The following ZEB2 variants were observed in gnomAD, a reference collection of about 807,000 sequenced individuals.
The protein encoded by ZEB2 is zinc finger E-box-binding homeobox 2.
In ZEB2, 6 loss-of-function variants were observed where a neutral mutation model predicts 99.9. The ratio of observed to expected loss-of-function variants is 0.06; its 90% CI spans 0.03 to 0.12. ZEB2 has a LOEUF of 0.12. Among genes scored for constraint, ZEB2 ranks in the 10% least tolerant of loss-of-function variants. The probability of loss-of-function intolerance (pLI) is 1.00; values close to 1 mark genes in which losing one functional copy is unlikely to be tolerated. For synonymous variants in ZEB2, 517 were observed against 542.5 expected (o/e 0.95, Z 0.65); for missense variants, 969 against 1,502.8 (o/e 0.64, Z 5.87).
At chr2:144,478,715 ATTCT>A (rs1419793957) in intron 2 of ZEB2, among the ~76,000 whole-genome samples, 3 of 152,252 alleles carry the variant, frequency 2.0e-5, no homozygotes, top group Non-Finnish European at 2.9e-5. Context: ...AATTCAAATT[ATTCT>A]TTCTTTGAAA....
intron 2 of ZEB2, chr2:144,511,606 A>G: frequency 7.8e-7 from 1 of 1,284,612 alleles, no homozygotes; most frequent in Non-Finnish European, 1.0e-6. Flanking sequence ...CCCTCCCCAC[A>G]GCCCAAATAG....
At chr2:144,456,867 C>A (rs1704127876) in intron 2 of ZEB2, among the ~76,000 whole-genome samples, 1 of 152,012 alleles carries the variant, frequency 6.6e-6, no homozygotes, top group African/African-American at 2.4e-5. Context: ...TCATCTTGGG[C>A]CAGCCTAGGG....
At position 144,398,972 on chromosome 2, in the gene ZEB2, T is replaced by C. The variant is rs730881178; in HGVS notation, c.2215A>G (p.Ile739Val). Residue 739 changes from isoleucine to valine, a missense_variant, in exon 8 of 10, where the codon ATA becomes GTA. Physicochemically the swap from Ile to Val is conservative, Grantham distance 29 (BLOSUM62 3). Around this residue, in one of 8 missense-constraint regions of ZEB2, gnomAD observed 346 missense variants for 460.0 expected, o/e 0.75. Transcript: ENST00000627532. ...PRSPVKPMDS[I>V]TSPSIAELHN... is the part of the protein sequence containing the mutation. ...AGTTCTGCTATAGATGGTGATGTTA[T>C]GGAGTCCATAGGTTTTACAGGAGAC... The C allele has an allele frequency of 3.8e-5, 61 of 1,614,090 alleles. No individual in the cohort carries two copies. In the Admixed American group the frequency reaches 9.3e-4, roughly 25 times the overall value.
chr2:144,390,952 G>C (rs903747301), intron 9 of ZEB2, among the ~76,000 whole-genome samples: 2 of 152,216 alleles, frequency 1.3e-5, no homozygotes, highest in Non-Finnish European at 2.9e-5. Context: ...TCAGCCTGAT[G>C]CTCCAGAGTT....
At chr2:144,397,602 A>T (rs945338827) in intron 8 of ZEB2, among the ~76,000 whole-genome samples, 1 of 152,232 alleles carries the variant, frequency 6.6e-6, no homozygotes, top group Non-Finnish European at 1.5e-5. Context: ...GTACCTATTA[A>T]AATGTGTATA....
chr2:144,511,827 T>A (rs1705043609), intron 2 of ZEB2: 1 of 1,287,084 alleles, frequency 7.8e-7, no homozygotes, highest in Non-Finnish European at 1.0e-6. Flanking sequence ...AGGGCTATAT[T>A]TATTGGTTTA....
At chr2:144,505,041 T>G (rs1704933056) in intron 2 of ZEB2, among the ~76,000 whole-genome samples, 1 of 151,960 alleles carries the variant, frequency 6.6e-6, no homozygotes, top group South Asian at 2.1e-4. Context: ...TCTTAGAGAT[T>G]GCAGAAGTAG....
At chr2:144,468,616 C>T (rs1704307405) in intron 2 of ZEB2, among the ~76,000 whole-genome samples, 1 of 151,932 alleles carries the variant, frequency 6.6e-6, no homozygotes, top group African/African-American at 2.4e-5. Context: ...GGAGTTAGCA[C>T]ATGTGTGTGT....
In ZEB2 at chr2:144,424,262, G is replaced by GA. The variant is rs1165787173; in HGVS notation, c.403+533dup. ...GTCAATTCTTCTCTAAAACTGCCTG[G>GA]AAAAAATTATTTAAAAGGGCTCAAG... On this transcript the variant is annotated intron_variant, in intron 4 of 9. Transcript: ENST00000627532. The GA allele has an allele frequency of 1.6e-5, 7 of 431,588 alleles. 1 individual carries two copies. The highest frequency in any genetic ancestry group is 3.6e-4 in the Middle Eastern group (1 of 2,760). The allele number at this position is 431,588 out of a possible 1,614,324, so 26.7% of individuals were successfully genotyped here. A position where few individuals can be genotyped will look rare whatever the true frequency, so the allele number is the denominator to read the frequency against.
chr2:144,447,658 C>T (rs1704003182), intron 2 of ZEB2, among the ~76,000 whole-genome samples: 1 of 152,312 alleles, frequency 6.6e-6, no homozygotes. Flanking sequence ...CATGCTGAGG[C>T]CATTTCCCCT....
At chr2:144,490,419 T>C (rs1704660907) in intron 2 of ZEB2, among the ~76,000 whole-genome samples, 1 of 152,206 alleles carries the variant, frequency 6.6e-6, no homozygotes, top group South Asian at 2.1e-4. Flanking sequence ...CTACTCAACG[T>C]ATTATTTATT....
At chr2:144,444,714 G>T (rs1400945098) in intron 2 of ZEB2, 1 of 152,200 alleles carries the variant, frequency 6.6e-6, no homozygotes, top group African/African-American at 2.4e-5. Flanking sequence ...ACAGGAAATA[G>T]GTTTTCTTTT....
intron 3 of ZEB2, among the ~76,000 whole-genome samples, chr2:144,425,364 T>C (rs1348632122): frequency 2.0e-5 from 3 of 152,172 alleles, no homozygotes; most frequent in Non-Finnish European, 4.4e-5. Flanking sequence ...ATTCTACATA[T>C]CAAAACTTGG....
intron 2 of ZEB2, chr2:144,461,150 C>G (rs2149904154): frequency 6.7e-6 from 1 of 148,198 alleles, no homozygotes; most frequent in Admixed American, 6.8e-5. Context: ...GAATGCTGGG[C>G]TTTGTACTGG....
Position 144,386,715 on chromosome 2 carries a change from C to T in ZEB2, c.*2736G>A, listed in dbSNP as rs914361366. 6.6e-6 allele frequency: 1 copy of T among 152,030 alleles called. No individual in the cohort carries two copies. The highest frequency in any genetic ancestry group is 1.5e-5 in the Non-Finnish European group (1 of 68,006). The allele number at this position is 152,030 out of a possible 1,614,324, so 9.4% of individuals were successfully genotyped here. A position where few individuals can be genotyped will look rare whatever the true frequency, so the allele number is the denominator to read the frequency against. On this transcript the variant is annotated 3_prime_UTR_variant, in exon 10 of 10. Transcript: ENST00000627532. ...AAGAGGCCACAGGGATTTATTCTAC[C>T]CGGACAAAATTTAATGGCTTGATAT...
At chr2:144,401,433 T>C (rs1433185609) in intron 6 of ZEB2, 126 bp from the exon 7 acceptor site, 119 of 829,926 alleles carry the variant, frequency 1.4e-4, no homozygotes, top group Non-Finnish European at 8.6e-5. Flanking sequence ...CTTATTTATC[T>C]GCTCAGTCTT....
At chr2:144,448,618 A>G (rs551633460) in intron 2 of ZEB2, 78 of 152,396 alleles carry the variant, frequency 5.1e-4, no homozygotes, top group African/African-American at 1.8e-3. Flanking sequence ...TGCTGCTGAT[A>G]TAATTACTAG....
intron 2 of ZEB2, among the ~76,000 whole-genome samples, chr2:144,478,653 G>T (rs1488045119): frequency 6.6e-6 from 1 of 152,166 alleles, no homozygotes; most frequent in African/African-American, 2.4e-5. Flanking sequence ...AATAGCATTT[G>T]TATTCAACGC....
At chr2:144,460,440 A>C (rs977858113) in intron 2 of ZEB2, among the ~76,000 whole-genome samples, 2 of 152,088 alleles carry the variant, frequency 1.3e-5, no homozygotes, top group Non-Finnish European at 2.9e-5. Flanking sequence ...CCTTATAAGC[A>C]TGGGAAACTT....
Sources: allele counts gnomAD v4.1 joint callset (sites outside exome capture counted in the v4.1 genomes callset), GRCh38; gene constraint gnomAD v4.1.1; regional missense constraint gnomAD v4.1.1; transcripts MANE v1.5; gene names NCBI Gene and HGNC (gene_info 2026-07-23, HGNC 2026-07-21).